The following JAK3 variants were observed in gnomAD, a reference collection of about 807,000 sequenced individuals.
JAK3 encodes tyrosine-protein kinase JAK3.
A neutral mutation model predicts 120.8 loss-of-function variants in JAK3; 88 were observed. The ratio of observed to expected loss-of-function variants is 0.73; its 90% CI spans 0.61 to 0.87. The LOEUF (loss-of-function observed/expected upper bound fraction) is 0.87. JAK3 is among the 40% of genes least tolerant of loss of function. The pLI, the probability that JAK3 is intolerant of heterozygous loss-of-function variation, is 0.00. For missense variants in JAK3, 1,254 were observed against 1,501.4 expected, an observed-to-expected ratio of 0.84 and a Z score of 2.72; for synonymous variants, 592 against 628.6, an observed-to-expected ratio of 0.94 and a Z score of 0.87.
intron 14 of JAK3, 39 bp downstream of exon 14, chr19:17,835,882 TTCC>T: frequency 6.2e-7 from 1 of 1,611,950 alleles, no homozygotes; most frequent in Non-Finnish European, 8.5e-7. Flanking sequence ...AGAGAAAGCC[TTCC>T]CTGGGAATGG....
At position 17,843,759 on chromosome 19, in the gene JAK3, C is replaced by T. The variant is rs759854977; in HGVS notation, c.308+18G>A. The stretch of plus-strand genomic sequence containing the variant: ...GATAAAATTGTACAATCCCTGGGGG[C>T]TGGGGGGCACTTCCTACCGAATCCT... On this transcript the variant is annotated intron_variant, in intron 3 of 23. Coordinates refer to ENST00000458235, the MANE Select transcript of JAK3 (RefSeq NM_000215.4). The surrounding 1 kb of genome is among the most constrained non-coding windows in gnomAD (Gnocchi z 5.4). 9.3e-6 allele frequency: 15 copies of T among 1,612,742 alleles called. No homozygotes were observed. The highest frequency in any genetic ancestry group is 1.1e-5 in the Non-Finnish European group (13 of 1,179,892).
intron 12 of JAK3, among the ~76,000 whole-genome samples, chr19:17,837,417 T>C (rs1400199620): frequency 1.3e-5 from 2 of 152,064 alleles, no homozygotes; most frequent in South Asian, 2.1e-4. Flanking sequence ...TTTTTTGTTT[T>C]GTTTTGTTTT....
At chr19:17,840,400 C>T in intron 8 of JAK3, 59 bp from the exon 9 acceptor site, 1 of 1,169,512 alleles carries the variant, frequency 8.6e-7, no homozygotes, top group Non-Finnish European at 1.3e-6. Flanking sequence ...GACAGAGAGA[C>T]CTGGGCTCAA....
At position 17,831,715 on chromosome 19, in the gene JAK3, C is replaced by T. The variant is rs763951351; in HGVS notation, c.2764G>A (p.Asp922Asn). Residue 922 changes from aspartate (D) to asparagine (N), a missense_variant, in exon 20 of 24, where the codon GAT (aspartate) becomes AAT (asparagine). By Grantham distance (23) the Asp-to-Asn change is conservative (BLOSUM62 1). Transcript: ENST00000458235. The surrounding 1 kb of genome is among the most constrained non-coding windows in gnomAD (Gnocchi z 5.1). ...GAATAGAGAAGGAGGCGGCTGGCAT[C>T]GAGGCGCGCGCGGTGCCGCTGCAGG... ...DFLQRHRARLDASRLLLYSSQ... is the reference protein window; with the variant it reads ...DFLQRHRARLNASRLLLYSSQ... 3.7e-6 allele frequency: 6 copies of T among 1,611,102 alleles called. No individual in the cohort carries two copies. Among genetic ancestry groups the T allele is most frequent in the South Asian group, 3.3e-5 (3 of 90,820 alleles).
chr19:17,842,348 C>G lies in JAK3; in HGVS notation c.829G>C (p.Gly277Arg). 6.3e-7 allele frequency: 1 copy of G among 1,589,916 alleles called. No individual in the cohort carries two copies. The change falls in exon 6 of 24, where the codon GGC (glycine) becomes CGC (arginine). Residue 277 changes from glycine (G) to arginine (R), a missense_variant. Gly to Arg is a moderately radical substitution (Grantham distance 125, BLOSUM62 -2). Coordinates refer to ENST00000458235, the MANE Select transcript of JAK3 (RefSeq NM_000215.4). This position sits in a 1 kb window ranked among gnomAD's most constrained non-coding sequence, Gnocchi z 6.4. ...GLGLLRVAGD[G>R]GIAWTQGEQE... ...TCTCCCTGGGTCCAGGCGATGCCGC[C>G]GTCACCAGCCACGCGGAGCAGCCCC...
In JAK3 at chr19:17,841,408, G is replaced by A. The variant is rs2147694639; in HGVS notation, c.1123C>T (p.Gln375Ter). ...PPRLLEEVAE[Q>*]CHGPITLDFA... The stretch of plus-strand genomic sequence containing the variant: ...CCTTACGTGATGGGGCCGTGGCACT[G>A]CTCGGCCACTTCCTCCAGCAGCCTC... The change falls in exon 8 of 24, where the codon CAG becomes TAG. Residue 375 changes from glutamine to a stop codon, truncating the protein, a stop_gained. Coordinates refer to ENST00000458235, the MANE Select transcript of JAK3 (RefSeq NM_000215.4). LOFTEE classifies it high-confidence loss of function. The surrounding 1 kb of genome is among the most constrained non-coding windows in gnomAD (Gnocchi z 4.1). 1 of 1,551,868 alleles carries A rather than the reference G, an allele frequency of 6.4e-7. No homozygotes were observed. The highest frequency in any genetic ancestry group is 8.7e-7 in the Non-Finnish European group (1 of 1,148,546).
intron 21 of JAK3, 106 bp from the exon 22 acceptor site, chr19:17,830,726 GGTCA>G: frequency 1.2e-6 from 1 of 854,186 alleles, no homozygotes; most frequent in Non-Finnish European, 2.0e-6. Context: ...ACTGTGAGCA[GGTCA>G]GTCCCGTCTC....
rs3212715 is a variant in JAK3 at position 17,844,137 on chromosome 19, C to T, written c.184+97G>A. Reference sequence around the variant, plus strand: ...TACTCATCCCCCAAAGCCCCAGCTCCGATGCTGACTTCTGCAGGCAACTAT... The same window carrying T: ...TACTCATCCCCCAAAGCCCCAGCTCTGATGCTGACTTCTGCAGGCAACTAT... On this transcript the variant is annotated intron_variant, in intron 2 of 23. Coordinates refer to ENST00000458235, the MANE Select transcript of JAK3 (RefSeq NM_000215.4). 5,536 of 1,359,314 alleles carry T rather than the reference C, an allele frequency of 4.1e-3. 196 individuals are homozygous for T. In the African/African-American group the frequency reaches 0.07, roughly 17 times the overall value. The allele number at this position is 1,359,314 out of a possible 1,614,324, so 84.2% of individuals were successfully genotyped here. A position where few individuals can be genotyped will look rare whatever the true frequency, so the allele number is the denominator to read the frequency against.
At chr19:17,827,717 T>TTAAA (rs2094206477) in intron 23 of JAK3, among the ~76,000 whole-genome samples, 2 of 77,680 alleles carry the variant, frequency 2.6e-5, no homozygotes, top group African/African-American at 1.2e-4. Flanking sequence ...CCATCTTAAC[T>TTAAA]AAAAAAAAAA....
Position 17,834,733 on chromosome 19 carries a change from A to G in JAK3, c.2200-12T>C, listed in dbSNP as rs766177811. ...TAAAATTGGAGTTTCTGAGGGTGAG[A>G]GGAGCAGTCGGTAATCCCCAACCCA... On this transcript the variant is annotated splice_polypyrimidine_tract_variant and intron_variant, in intron 16 of 23. Transcript: ENST00000458235. 6.2e-7 allele frequency: 1 copy of G among 1,614,050 alleles called. No individual in the cohort carries two copies. The highest frequency in any genetic ancestry group is 1.1e-5 in the South Asian group (1 of 91,080).
chr19:17,826,880 G>A lies in JAK3; in HGVS notation c.3238C>T (p.Pro1080Ser), dbSNP rs1447329451. ...AATGATGGCCGGTCCTGTGGGCTAG[G>A]GGCCCAGCACAGCTTCATGAGCTCG... ...VHELMKLCWAPSPQDRPSFSA... is the reference protein window; with the variant it reads ...VHELMKLCWASSPQDRPSFSA... The change falls in exon 24 of 24, where the codon CCT becomes TCT. Residue 1080 changes from proline to serine, a missense_variant. By Grantham distance (74) the Pro-to-Ser change is moderately conservative. Coordinates refer to ENST00000458235, the MANE Select transcript of JAK3 (RefSeq NM_000215.4). 2 of 1,612,852 alleles carry A rather than the reference G, an allele frequency of 1.2e-6. No individual in the cohort carries two copies. The highest frequency in any genetic ancestry group is 1.7e-5 in the Admixed American group (1 of 60,022).
chr19:17,837,136 A>G lies in JAK3; in HGVS notation c.1779T>C (p.Ala593=). The G allele has an allele frequency of 6.4e-7, 1 of 1,552,544 alleles. No homozygotes were observed. The highest frequency in any genetic ancestry group is 2.4e-5 in the East Asian group (1 of 41,294). Residue 593 remains alanine, a synonymous_variant, in exon 13 of 24, where the codon GCT becomes GCC. Coordinates refer to ENST00000458235, the MANE Select transcript of JAK3 (RefSeq NM_000215.4). ...HLVLLHGVCM[A]GDSTMVQEFV... ...TGGGTGGGGGGCTCTCACTGTCTCC[A>G]GCCATGCACACGCCGTGGAGCAGCA...
At position 17,831,569 on chromosome 19, in the gene JAK3, C is replaced by A; in HGVS notation, c.2805+105G>T. 6.6e-7 allele frequency: 1 copy of A among 1,514,946 alleles called. No individual in the cohort carries two copies. The highest frequency in any genetic ancestry group is 8.9e-7 in the Non-Finnish European group (1 of 1,126,610). The allele number at this position is 1,514,946 out of a possible 1,614,324, so 93.8% of individuals were successfully genotyped here. On this transcript the variant is annotated intron_variant, in intron 20 of 23. Transcript: ENST00000458235. The surrounding 1 kb of genome is among the most constrained non-coding windows in gnomAD (Gnocchi z 5.1). ...TAAGCCAACCCCACCACTCCCGAGACCTGGACCCCAAACCACTCCTCAGCC... is the reference window on the plus strand; with the variant it reads ...TAAGCCAACCCCACCACTCCCGAGAACTGGACCCCAAACCACTCCTCAGCC...
rs2094210967 is a variant in JAK3 at position 17,830,092 on chromosome 19, G to C, written c.3207+16C>G. On this transcript the variant is annotated intron_variant, in intron 23 of 23. Transcript: ENST00000458235. ...TCTACAGACTGGGAAACTGAGGCTA[G>C]CCCTGCGGCGCTCACCTCAGCAGGG... 4 of 1,547,164 alleles carry C rather than the reference G, an allele frequency of 2.6e-6. No homozygotes were observed. The highest frequency in any genetic ancestry group is 3.5e-6 in the Non-Finnish European group (4 of 1,141,610).
chr19:17,830,758 T>G, intron 21 of JAK3, 138 bp from the exon 22 acceptor site: 1 of 652,298 alleles, frequency 1.5e-6, no homozygotes, highest in Non-Finnish European at 2.8e-6. Context: ...TCGGTTTCCC[T>G]GGCTGTGGGA....
intron 1 of JAK3, among the ~76,000 whole-genome samples, chr19:17,845,820 G>A (rs3213405): frequency 5.3e-5 from 8 of 152,006 alleles, no homozygotes; most frequent in Non-Finnish European, 1.0e-4. Flanking sequence ...CGGCATTAAT[G>A]AGGGTTTTTT....
At chr19:17,844,556 T>C in intron 1 of JAK3, 126 bp from the exon 2 acceptor site, 3 of 796,314 alleles carry the variant, frequency 3.8e-6, no homozygotes, top group Admixed American at 5.6e-5. Context: ...CACAGCATTT[T>C]GGGAGGCCGA....
chr19:17,832,508 AG>A lies in JAK3; in HGVS notation c.2680+10del. 3 of 1,613,868 alleles carry A rather than the reference AG, an allele frequency of 1.9e-6. No individual in the cohort carries two copies. In the South Asian group the frequency reaches 3.3e-5, roughly 18 times the overall value. ...ATACGTCTTGGTTCACTCATCCGGG[AG>A]CTGGCTCACCCGGGCCATAGCTGAC... is the stretch of plus-strand genomic sequence containing the variant. On this transcript the variant is annotated intron_variant, in intron 19 of 23. Transcript: ENST00000458235. This position sits in a 1 kb window ranked among gnomAD's most constrained non-coding sequence, Gnocchi z 4.7.
rs900437938 is a variant in JAK3 at position 17,832,610 on chromosome 19, G to A, written c.2589C>T (p.Asp863=). The change falls in exon 19 of 24, where the codon GAC becomes GAT. Residue 863 remains aspartate, a synonymous_variant. Coordinates refer to ENST00000458235, the MANE Select transcript of JAK3 (RefSeq NM_000215.4). This position sits in a 1 kb window ranked among gnomAD's most constrained non-coding sequence, Gnocchi z 4.7. ...TCTCCCGCTGAAAGTCCCTCTGCTG[G>A]TCTGGCCCGCTGTGCTGCAGCTGTT... is the stretch of plus-strand genomic sequence containing the variant. The part of the protein sequence containing the change: ...AVKQLQHSGP[D]QQRDFQREIQ... 2 of 1,614,224 alleles carry A rather than the reference G, an allele frequency of 1.2e-6. No homozygotes were observed. The highest frequency in any genetic ancestry group is 2.2e-5 in the South Asian group (2 of 91,084).
Sources: gnomAD v4.1 joint callset for allele counts (sites outside exome capture counted in the v4.1 genomes callset) on GRCh38, gnomAD v4.1.1 for gene constraint, Gnocchi (gnomAD v3.1) non-coding constraint, MANE v1.5 for transcripts, NCBI Gene and HGNC (gene_info 2026-07-23, HGNC 2026-07-21) for gene names.